Variants in MACF1 observed in about 807,000 individuals in gnomAD.
MACF1 encodes microtubule-actin cross-linking factor 1.
In MACF1, 193 loss-of-function variants were observed where a neutral mutation model predicts 854.8. That is an observed-to-expected ratio of 0.23 (90% CI 0.20 to 0.25). The LOEUF (loss-of-function observed/expected upper bound fraction) is 0.25. Among genes scored for constraint, MACF1 ranks in the 10% least tolerant of loss-of-function variants. MACF1 has a pLI of 1.00. For missense variants in MACF1, 7,722 were observed against 8,929.1 expected, an observed-to-expected ratio of 0.86 and a Z score of 5.45; for synonymous variants, 3,185 against 3,226.7, an observed-to-expected ratio of 0.99 and a Z score of 0.44.
intron 1 of MACF1, among the ~76,000 whole-genome samples, chr1:39,227,604 T>C (rs1301839936): frequency 6.6e-6 from 1 of 152,152 alleles, no homozygotes; most frequent in African/African-American, 2.4e-5. Flanking sequence ...TAAACACAAA[T>C]CTGAGCATGT....
At chr1:39,168,881 G>A (rs1643909508) in intron 2 of MACF1, among the ~76,000 whole-genome samples, 1 of 151,944 alleles carries the variant, frequency 6.6e-6, no homozygotes, top group Non-Finnish European at 1.5e-5. Flanking sequence ...CATCCCCTTG[G>A]CCTCCTAAAG....
intron 58 of MACF1, chr1:39,411,573 T>A: frequency 6.2e-7 from 1 of 1,613,786 alleles, no homozygotes; most frequent in Non-Finnish European, 8.5e-7. Context: ...ACAGAACTGC[T>A]CAGGGGTTAG....
At chr1:39,247,158 C>T (rs1644991088) in intron 2 of MACF1, among the ~76,000 whole-genome samples, 1 of 147,258 alleles carries the variant, frequency 6.8e-6, no homozygotes, top group Admixed American at 6.8e-5. Context: ...CTGCAAGCTC[C>T]GCCTCCCGAG....
intron 2 of MACF1, among the ~76,000 whole-genome samples, chr1:39,163,064 C>T (rs1287551666): frequency 6.6e-6 from 1 of 152,070 alleles, no homozygotes; most frequent in Non-Finnish European, 1.5e-5. Context: ...ATAAGAAACT[C>T]CATAGTCGCC....
intron 58 of MACF1, among the ~76,000 whole-genome samples, chr1:39,393,914 AAGAG>A (rs567616270): frequency 6.6e-5 from 10 of 151,952 alleles, no homozygotes; most frequent in African/African-American, 9.6e-5. Flanking sequence ...AAAAGAAAGA[AAGAG>A]AAAGAAAGAA....
chr1:39,381,793 GC>G (rs1650248722), intron 55 of MACF1, among the ~76,000 whole-genome samples, 159 bp from the exon 56 acceptor site: 1 of 152,148 alleles, frequency 6.6e-6, no homozygotes, highest in South Asian at 2.1e-4. Context: ...TCGTGCCACT[GC>G]TCTATCCTGG....
intron 77 of MACF1, 61 bp downstream of exon 77, chr1:39,442,628 G>T: frequency 6.2e-7 from 1 of 1,609,318 alleles, no homozygotes; most frequent in Non-Finnish European, 8.5e-7. Flanking sequence ...GCTGCCACCA[G>T]CAGCCTTTGA....
intron 35 of MACF1, 127 bp downstream of exon 35, chr1:39,324,861 T>C (rs1321385499): frequency 4.7e-6 from 3 of 643,690 alleles, no homozygotes; most frequent in East Asian, 5.3e-5. Context: ...GGGGACCCTG[T>C]AGTTCATACG....
At chr1:39,142,099 A>C (rs1280212532) in intron 2 of MACF1, among the ~76,000 whole-genome samples, 1 of 152,128 alleles carries the variant, frequency 6.6e-6, no homozygotes, top group African/African-American at 2.4e-5. Flanking sequence ...CTGGCTTCAG[A>C]AGTTGGGCTC....
At chr1:39,410,368 C>T (rs1642933482) in intron 58 of MACF1, 1 of 1,613,948 alleles carries the variant, frequency 6.2e-7, no homozygotes, top group Non-Finnish European at 8.5e-7. Flanking sequence ...CTATGTTCCA[C>T]AACGGTCTAT....
At chr1:39,187,757 C>T (rs1316922964) in intron 2 of MACF1, among the ~76,000 whole-genome samples, 2 of 152,140 alleles carry the variant, frequency 1.3e-5, no homozygotes, top group South Asian at 2.1e-4. Flanking sequence ...CGCTATGTTG[C>T]CCAAGCTGGC....
intron 58 of MACF1, among the ~76,000 whole-genome samples, chr1:39,389,486 A>C (rs1282061269): frequency 6.7e-6 from 1 of 149,888 alleles, no homozygotes; most frequent in Non-Finnish European, 1.5e-5. Flanking sequence ...CAGCCTCCCA[A>C]GTAGCTGGGG....
rs775163697 is a variant in MACF1 at position 39,324,288 on chromosome 1, T to C, written c.4332T>C (p.Ala1444=). ...TAGCGAGGAATACACAAGGAAAAGC[T>C]ACCTCATCCGAGACCAAAGAATCAA... is the stretch of plus-strand genomic sequence containing the variant. ...STLARNTQGK[A]TSSETKESTD... Residue 1444 remains alanine (A), a synonymous_variant, in exon 34 of 101, where the codon GCT becomes GCC. Coordinates refer to ENST00000564288, the MANE Select transcript of MACF1 (RefSeq NM_001394062.1). 6 of 1,614,012 alleles carry C rather than the reference T, an allele frequency of 3.7e-6. No individual in the cohort carries two copies. The South Asian group carries it at 6.6e-5, about 18-fold the overall frequency.
chr1:39,408,713 A>T (rs369821337), intron 58 of MACF1, among the ~76,000 whole-genome samples: 14 of 152,082 alleles, frequency 9.2e-5, no homozygotes, highest in Middle Eastern at 6.8e-3. Context: ...CGCGCAGCCC[A>T]GACTCGCGCG....
intron 96 of MACF1, 71 bp from the exon 97 acceptor site, chr1:39,469,476 T>A: frequency 8.5e-7 from 1 of 1,174,734 alleles, no homozygotes; most frequent in Non-Finnish European, 1.2e-6. Flanking sequence ...TCTGCCAATT[T>A]GTCTTTCTTG....
chr1:39,463,260 G>A (rs1644591784), intron 93 of MACF1, among the ~76,000 whole-genome samples: 1 of 152,316 alleles, frequency 6.6e-6, no homozygotes, highest in African/African-American at 2.4e-5. Flanking sequence ...GCTGAGGCAG[G>A]CGGATCACCT....
intron 66 of MACF1, among the ~76,000 whole-genome samples, chr1:39,432,099 T>C (rs1269060055): frequency 6.6e-6 from 1 of 152,214 alleles, no homozygotes; most frequent in Non-Finnish European, 1.5e-5. Flanking sequence ...TGGGGTCTTA[T>C]GCTGCTTCAG....
chr1:39,127,541 A>C (rs933698545), intron 2 of MACF1, among the ~76,000 whole-genome samples: 3 of 152,232 alleles, frequency 2.0e-5, no homozygotes, highest in Non-Finnish European at 1.5e-5. Context: ...TCTCTCACCC[A>C]GTAAATGGTA....
intron 49 of MACF1, among the ~76,000 whole-genome samples, chr1:39,363,415 A>C (rs566004807): frequency 6.6e-6 from 1 of 152,256 alleles, no homozygotes; most frequent in Admixed American, 6.5e-5. Context: ...ATGAACATAC[A>C]CACACATTCT....
Sources: gnomAD v4.1 joint callset for allele counts (sites outside exome capture counted in the v4.1 genomes callset) on GRCh38, gnomAD v4.1.1 for gene constraint, MANE v1.5 for transcripts, NCBI Gene and HGNC (gene_info 2026-07-23, HGNC 2026-07-21) for gene names.